The following DCP1A variants were observed in gnomAD, a reference collection of about 807,000 sequenced individuals.
The protein encoded by DCP1A is mRNA-decapping enzyme 1A.
Under a neutral mutation model 58.0 loss-of-function variants are expected in DCP1A, and 20 were observed. The ratio of observed to expected loss-of-function variants is 0.34; its 90% CI spans 0.24 to 0.50. The LOEUF (loss-of-function observed/expected upper bound fraction) is 0.50. Ranked by LOEUF, DCP1A falls within the 20% of genes least tolerant of loss-of-function variation. The pLI, the probability that DCP1A is intolerant of heterozygous loss-of-function variation, is 0.98. For missense variants in DCP1A, 613 were observed against 712.2 expected (o/e 0.86, Z 1.59); for synonymous variants, 285 against 275.1 (o/e 1.04, Z -0.36).
chr3:53,312,113 C>T (rs1310768505), intron 5 of DCP1A, 128 bp downstream of exon 5: 2 of 466,104 alleles, frequency 4.3e-6, no homozygotes, highest in African/African-American at 4.3e-5. Flanking sequence ...TGCTAACACG[C>T]TCTCTTTTTG....
At position 53,338,051 on chromosome 3, in the gene DCP1A, G is replaced by A. The variant is rs9311496; in HGVS notation, c.304+4093C>T. 9.0e-3 allele frequency: 3,195 copies of A among 356,980 alleles called. 94 individuals carry two copies. The highest frequency in any genetic ancestry group is 0.062 in the African/African-American group (2,934 of 47,246). The allele number at this position is 356,980 out of a possible 1,614,324, so 22.1% of individuals were successfully genotyped here. ...GGAAAGAACATTGGCCTTGAAGCCCGAAAGACCTACTCCCAAATTCTCCAT... is the reference window on the plus strand; with the variant it reads ...GGAAAGAACATTGGCCTTGAAGCCCAAAAGACCTACTCCCAAATTCTCCAT... On this transcript the variant is annotated intron_variant, in intron 3 of 9. Coordinates refer to ENST00000610213, the MANE Select transcript of DCP1A (RefSeq NM_018403.7).
intron 3 of DCP1A, among the ~76,000 whole-genome samples, chr3:53,321,226 T>C (rs1281331925): frequency 6.6e-6 from 1 of 152,244 alleles, no homozygotes; most frequent in Non-Finnish European, 1.5e-5. Flanking sequence ...CCTCTTTCTA[T>C]CTTTCAGAGT....
chr3:53,292,600 G>C lies in DCP1A; in HGVS notation c.852C>G (p.Val284=), dbSNP rs1193774915. The change falls in exon 7 of 10, where the codon GTC becomes GTG. Residue 284 remains valine, a synonymous_variant. Transcript: ENST00000610213. The part of the protein sequence containing the change: ...LGVPSAAHHS[V]QPEITTPVLI... Reference sequence around the variant, plus strand: ...GCACCGGGGTGGTGATTTCAGGCTGGACTGAATGGTGGGCAGCAGAAGGGA... The same window carrying C: ...GCACCGGGGTGGTGATTTCAGGCTGCACTGAATGGTGGGCAGCAGAAGGGA... 14 of 1,613,742 alleles carry C rather than the reference G, an allele frequency of 8.7e-6. No homozygotes were observed. Among genetic ancestry groups the C allele is most frequent in the Non-Finnish European group, 8.5e-7 (1 of 1,179,850 alleles).
In DCP1A at chr3:53,334,987, T is replaced by C. The variant is rs376103361; in HGVS notation, c.304+7157A>G. Among the ~76,000 whole-genome samples, 144 of 152,072 alleles carry C rather than the reference T, an allele frequency of 9.5e-4. 1 individual carries two copies. The highest frequency in any genetic ancestry group is 3.1e-3 in the African/African-American group (128 of 41,504). On this transcript the variant is annotated intron_variant, in intron 3 of 9. Coordinates refer to ENST00000610213, the MANE Select transcript of DCP1A (RefSeq NM_018403.7). ...ACTCAGTAGCTGCAACTATGGAATA[T>C]GCTGTCAGTCTAACTGGTGTTCCTT... is the stretch of plus-strand genomic sequence containing the variant.
intron 3 of DCP1A, 31 bp downstream of exon 3, chr3:53,342,113 G>GT: frequency 6.5e-7 from 1 of 1,546,330 alleles, no homozygotes. Flanking sequence ...AATTTTAAAT[G>GT]TAATAACTAT....
intron 3 of DCP1A, among the ~76,000 whole-genome samples, chr3:53,330,425 T>C (rs2106874001): frequency 6.6e-6 from 1 of 151,780 alleles, no homozygotes; most frequent in African/African-American, 2.4e-5. Flanking sequence ...GCTGGTGTAG[T>C]AGCTCACACC....
rs575868149 is a variant in DCP1A, at chr3:53,341,398, G to A, written c.304+746C>T. Among the ~76,000 whole-genome samples the A allele has an allele frequency of 6.6e-4, 100 of 152,234 alleles. 1 individual carries two copies. Among genetic ancestry groups the A allele is most frequent in the Middle Eastern group, 6.8e-3 (2 of 294 alleles). On this transcript the variant is annotated intron_variant, in intron 3 of 9. Coordinates refer to ENST00000610213, the MANE Select transcript of DCP1A (RefSeq NM_018403.7). ...TGAATCCGGGAGGCAGAGCTTGCAT[G>A]AGCCTAGATCACACCACTGCACTCC... is the stretch of plus-strand genomic sequence containing the variant.
intron 2 of DCP1A, among the ~76,000 whole-genome samples, chr3:53,342,944 T>C (rs1553692733): frequency 6.6e-6 from 1 of 152,200 alleles, no homozygotes; most frequent in Non-Finnish European, 1.5e-5. Flanking sequence ...ATCATTACAA[T>C]AATGTTTTTC....
chr3:53,326,616 A>G (rs1708110097), intron 3 of DCP1A, among the ~76,000 whole-genome samples: 1 of 152,188 alleles, frequency 6.6e-6, no homozygotes, highest in South Asian at 2.1e-4. Flanking sequence ...CTCCAGCCCT[A>G]CTGTGAACTG....
chr3:53,294,739 T>G (rs1223810155), intron 6 of DCP1A, among the ~76,000 whole-genome samples: 1 of 152,220 alleles, frequency 6.6e-6, no homozygotes, highest in Middle Eastern at 3.4e-3. Flanking sequence ...TCCACTTCTC[T>G]GAGTCTCAGG....
chr3:53,335,721 T>C (rs1302660373), intron 3 of DCP1A, among the ~76,000 whole-genome samples: 2 of 152,240 alleles, frequency 1.3e-5, no homozygotes, highest in Non-Finnish European at 2.9e-5. Context: ...ACCAATTAAC[T>C]GTTGAATCCA....
At chr3:53,317,258 C>T (rs1056907724) in intron 4 of DCP1A, among the ~76,000 whole-genome samples, 3 of 152,140 alleles carry the variant, frequency 2.0e-5, no homozygotes, top group Non-Finnish European at 4.4e-5. Flanking sequence ...CTCCAGCTTC[C>T]GGGTTCAAGT....
At chr3:53,341,645 T>C (rs782249012) in intron 3 of DCP1A, among the ~76,000 whole-genome samples, 1 of 152,160 alleles carries the variant, frequency 6.6e-6, no homozygotes, top group Non-Finnish European at 1.5e-5. Context: ...TGTAGTGCTA[T>C]TAAATGAAAT....
chr3:53,329,814 G>T (rs545281287), intron 3 of DCP1A, among the ~76,000 whole-genome samples: 1 of 152,234 alleles, frequency 6.6e-6, no homozygotes, highest in African/African-American at 2.4e-5. Flanking sequence ...CATGCCTTAG[G>T]GTGTTACATG....
intron 6 of DCP1A, among the ~76,000 whole-genome samples, chr3:53,298,534 G>A (rs1448875499): frequency 6.6e-6 from 1 of 152,228 alleles, no homozygotes; most frequent in East Asian, 1.9e-4. Flanking sequence ...TCATCTGCTA[G>A]AGTAGGTAAA....
intron 2 of DCP1A, among the ~76,000 whole-genome samples, 198 bp downstream of exon 2, chr3:53,344,704 T>C (rs781870327): frequency 2.0e-5 from 3 of 152,196 alleles, no homozygotes; most frequent in Non-Finnish European, 2.9e-5. Flanking sequence ...ATATAAATTC[T>C]AGTTCAGTTT....
At chr3:53,341,897 G>A (rs1387641407) in intron 3 of DCP1A, among the ~76,000 whole-genome samples, 4 of 152,018 alleles carry the variant, frequency 2.6e-5, no homozygotes, top group East Asian at 1.9e-4. Flanking sequence ...GGCTGGTCTC[G>A]AACTCCTGAC....
At position 53,292,200 on chromosome 3, in the gene DCP1A, C is replaced by T. The variant is rs1706909178; in HGVS notation, c.1252G>A (p.Val418Ile). 6.2e-7 allele frequency: 1 copy of T among 1,613,976 alleles called. No individual in the cohort carries two copies. The highest frequency in any genetic ancestry group is 8.5e-7 in the Non-Finnish European group (1 of 1,179,896). ...QTQPLGKGAM[V>I]ASFSPAAGQL... is the part of the protein sequence containing the mutation. ...CCAGCTGCCGGAGAAAAGCTGGCTA[C>T]CATTGCACCTTTCCCAAGTGGTTGT... Residue 418 changes from valine (V) to isoleucine (I), a missense_variant, in exon 7 of 10, where the codon GTA (valine) becomes ATA (isoleucine). Val to Ile is a conservative substitution (Grantham distance 29, BLOSUM62 3). Around this residue, in one of 3 missense-constraint regions of DCP1A, gnomAD observed 498 missense variants for 556.7 expected, o/e 0.89. Transcript: ENST00000610213.
chr3:53,327,774 G>A (rs782060104), intron 3 of DCP1A, among the ~76,000 whole-genome samples: 1 of 150,044 alleles, frequency 6.7e-6, no homozygotes, highest in Non-Finnish European at 1.5e-5. Context: ...CTGGGCAACA[G>A]AGCAAGATTC....
Sources: allele counts gnomAD v4.1 joint callset (sites outside exome capture counted in the v4.1 genomes callset), GRCh38; gene constraint gnomAD v4.1.1; regional missense constraint gnomAD v4.1.1; transcripts MANE v1.5; gene names NCBI Gene and HGNC (gene_info 2026-07-23, HGNC 2026-07-21).